Variants in OXCT1 observed in about 807,000 individuals in gnomAD.
OXCT1 encodes the protein succinyl-CoA:3-ketoacid coenzyme A transferase 1, mitochondrial.
OXCT1 carries 27 observed loss-of-function variants against 69.6 expected under a neutral mutation model. The ratio of observed to expected loss-of-function variants is 0.39; its 90% CI spans 0.29 to 0.54. OXCT1 has a LOEUF of 0.54. OXCT1 is among the 20% of genes least tolerant of loss of function. The probability of loss-of-function intolerance (pLI) is 0.72; values close to 1 mark genes in which losing one functional copy is unlikely to be tolerated. For missense variants in OXCT1, 437 were observed against 650.2 expected (o/e 0.67, Z 3.57); for synonymous variants, 202 against 217.8 (o/e 0.93, Z 0.64).
chr5:41,747,034 T>C (rs902423445), intron 15 of OXCT1, among the ~76,000 whole-genome samples: 2 of 152,108 alleles, frequency 1.3e-5, no homozygotes, highest in Admixed American at 6.6e-5. Flanking sequence ...ATCTCTTTTC[T>C]CCCCGCTTTA....
At chr5:41,742,488 T>C (rs1416913321) in intron 15 of OXCT1, among the ~76,000 whole-genome samples, 1 of 152,210 alleles carries the variant, frequency 6.6e-6, no homozygotes. Flanking sequence ...TTTTACTTTA[T>C]TTTTTTATTA....
At chr5:41,846,195 T>A (rs1243295195) in intron 5 of OXCT1, among the ~76,000 whole-genome samples, 3 of 151,348 alleles carry the variant, frequency 2.0e-5, no homozygotes, top group African/African-American at 7.3e-5. Context: ...GTTAGTTACA[T>A]ATGTATACAT....
At chr5:41,772,400 T>TA (rs1744917305) in intron 13 of OXCT1, among the ~76,000 whole-genome samples, 1 of 151,814 alleles carries the variant, frequency 6.6e-6, no homozygotes, top group Non-Finnish European at 1.5e-5. Flanking sequence ...GAAAGAACAT[T>TA]AATAAATTGA....
chr5:41,848,772 C>T (rs1340832866), intron 5 of OXCT1, among the ~76,000 whole-genome samples: 1 of 151,954 alleles, frequency 6.6e-6, no homozygotes, highest in Non-Finnish European at 1.5e-5. Context: ...ACACCTTATA[C>T]AAAAATCAAT....
chr5:41,776,695 T>C (rs1011643560), intron 13 of OXCT1, among the ~76,000 whole-genome samples: 2 of 152,248 alleles, frequency 1.3e-5, no homozygotes, highest in African/African-American at 4.8e-5. Flanking sequence ...GAACAGAGTA[T>C]GCTAGCATAA....
chr5:41,776,555 G>A (rs1187356226), intron 13 of OXCT1, among the ~76,000 whole-genome samples: 2 of 152,122 alleles, frequency 1.3e-5, no homozygotes, highest in African/African-American at 2.4e-5. Context: ...GTTGCTAAAC[G>A]GCTTTGCAAA....
intron 13 of OXCT1, among the ~76,000 whole-genome samples, chr5:41,768,307 C>T (rs554973845): frequency 7.9e-5 from 12 of 152,202 alleles, no homozygotes; most frequent in African/African-American, 2.2e-4. Context: ...TTCTACCTTC[C>T]GCAAACTACA....
intron 13 of OXCT1, among the ~76,000 whole-genome samples, chr5:41,783,734 G>A (rs1322459150): frequency 2.0e-5 from 3 of 152,188 alleles, no homozygotes; most frequent in Non-Finnish European, 4.4e-5. Context: ...CTGGTAGGCA[G>A]TGTAGCAGCA....
At chr5:41,823,597 G>T (rs1272278799) in intron 7 of OXCT1, among the ~76,000 whole-genome samples, 1 of 152,154 alleles carries the variant, frequency 6.6e-6, no homozygotes, top group African/African-American at 2.4e-5. Flanking sequence ...TTAATCCTCT[G>T]ACGGATCTAA....
chr5:41,789,344 T>G (rs1487166190), intron 13 of OXCT1, among the ~76,000 whole-genome samples: 1 of 152,210 alleles, frequency 6.6e-6, no homozygotes, highest in Non-Finnish European at 1.5e-5. Context: ...TGACCCCTGT[T>G]AGAATATCAG....
At chr5:41,782,247 C>T (rs1378919192) in intron 13 of OXCT1, among the ~76,000 whole-genome samples, 2 of 148,766 alleles carry the variant, frequency 1.3e-5, no homozygotes, top group African/African-American at 5.0e-5. Context: ...TGGAGTCTTG[C>T]TCTGCTGCCC....
chr5:41,810,142 T>C (rs1392255340), intron 7 of OXCT1, among the ~76,000 whole-genome samples: 1 of 151,912 alleles, frequency 6.6e-6, no homozygotes, highest in Non-Finnish European at 1.5e-5. Context: ...AGGGACTGAC[T>C]TCAGTGCCAG....
intron 13 of OXCT1, among the ~76,000 whole-genome samples, chr5:41,776,786 G>C (rs1286039942): frequency 6.6e-6 from 1 of 151,918 alleles, no homozygotes; most frequent in Non-Finnish European, 1.5e-5. Context: ...ATTCCCAATG[G>C]AAAAAACTTT....
At chr5:41,837,213 A>T (rs1397674765) in intron 7 of OXCT1, among the ~76,000 whole-genome samples, 1 of 152,074 alleles carries the variant, frequency 6.6e-6, no homozygotes, top group Non-Finnish European at 1.5e-5. Flanking sequence ...GTGGAGTGGG[A>T]AGATGCTGGC....
chr5:41,854,054 A>G (rs1203735164), intron 3 of OXCT1, among the ~76,000 whole-genome samples: 2 of 152,220 alleles, frequency 1.3e-5, no homozygotes, highest in African/African-American at 4.8e-5. Flanking sequence ...GCATTCTGGT[A>G]TTTAAAAGAG....
intron 6 of OXCT1, among the ~76,000 whole-genome samples, chr5:41,842,417 C>T (rs1414135752): frequency 1.3e-5 from 2 of 152,136 alleles, no homozygotes; most frequent in African/African-American, 2.4e-5. Flanking sequence ...AGGAGAAAAA[C>T]AACTGCATGT....
At chr5:41,755,024 C>A (rs1023063052) in intron 14 of OXCT1, among the ~76,000 whole-genome samples, 2 of 151,946 alleles carry the variant, frequency 1.3e-5, no homozygotes, top group Admixed American at 1.3e-4. Context: ...CTAAAGGTTG[C>A]GTCCTATGAT....
At chr5:41,749,113 C>A (rs534769804) in intron 15 of OXCT1, among the ~76,000 whole-genome samples, 6 of 152,178 alleles carry the variant, frequency 3.9e-5, no homozygotes, top group Admixed American at 6.5e-5. Context: ...GCCTATACTA[C>A]GATTTGCACT....
Position 41,795,259 on chromosome 5 carries a change from G to A in OXCT1, c.1100-510C>T, listed in dbSNP as rs550657179. Among the ~76,000 whole-genome samples the A allele has an allele frequency of 1.1e-3, 173 of 152,254 alleles. 1 individual carries two copies. The highest frequency in any genetic ancestry group is 7.9e-4 in the Non-Finnish European group (54 of 68,024). ...AGGCCAAGCTTAGATGGTAATGCTC[G>A]TTTGCTCGCCTGCTGCTCACCTCCT... On this transcript the variant is annotated intron_variant, in intron 11 of 16. Coordinates refer to ENST00000196371, the MANE Select transcript of OXCT1 (RefSeq NM_000436.4).
Sources: allele counts gnomAD v4.1 joint callset (sites outside exome capture counted in the v4.1 genomes callset), GRCh38; gene constraint gnomAD v4.1.1; transcripts MANE v1.5; gene names NCBI Gene and HGNC (gene_info 2026-07-23, HGNC 2026-07-21).